EPC2: variants seen among roughly 807,000 people sequenced by gnomAD.
EPC2 encodes the protein enhancer of polycomb 2, also known as enhancer of polycomb homolog 2.
Under a neutral mutation model 92.1 loss-of-function variants are expected in EPC2, and 14 were observed. That is an observed-to-expected ratio of 0.15 (90% CI 0.10 to 0.24). EPC2 has a LOEUF of 0.24. Ranked by LOEUF, EPC2 falls within the 10% of genes least tolerant of loss-of-function variation. EPC2 has a pLI of 1.00. For missense variants in EPC2, 755 were observed against 971.5 expected, an observed-to-expected ratio of 0.78 and a Z score of 2.96; for synonymous variants, 340 against 334.7, an observed-to-expected ratio of 1.02 and a Z score of -0.17.
chr2:148,647,103 C>G (rs1160215433), intron 1 of EPC2, among the ~76,000 whole-genome samples: 1 of 152,046 alleles, frequency 6.6e-6, no homozygotes. Flanking sequence ...GAGCGAGACT[C>G]CGTCCCCCCC....
intron 2 of EPC2, among the ~76,000 whole-genome samples, chr2:148,726,764 TGTTTTTTTTTTTTTTGC>T (rs1346740453): frequency 7.1e-5 from 9 of 126,092 alleles, no homozygotes; most frequent in Non-Finnish European, 1.7e-4. Flanking sequence ...TTTTGTTTTT[TGTTTTTTTTTTTTTTGC>T]GTTTTTTTGT....
intron 10 of EPC2, 63 bp from the exon 11 acceptor site, chr2:148,781,581 C>A: frequency 6.9e-7 from 1 of 1,453,910 alleles, no homozygotes; most frequent in Non-Finnish European, 9.4e-7. Flanking sequence ...ATATCATATT[C>A]TGCTTGTGTT....
intron 12 of EPC2, among the ~76,000 whole-genome samples, 190 bp from the exon 13 acceptor site, chr2:148,784,478 G>A (rs1215530829): frequency 6.6e-6 from 1 of 152,222 alleles, no homozygotes; most frequent in East Asian, 1.9e-4. Context: ...GAAAGAGGGT[G>A]TTTTGGGGGT....
chr2:148,714,557 C>A (rs1157472447), intron 2 of EPC2, among the ~76,000 whole-genome samples: 1 of 152,216 alleles, frequency 6.6e-6, no homozygotes, highest in Non-Finnish European at 1.5e-5. Context: ...TTTTCCTCCA[C>A]AACCTTGCCA....
intron 10 of EPC2, among the ~76,000 whole-genome samples, chr2:148,778,838 GGATA>G (rs1683697769): frequency 1.3e-5 from 2 of 151,926 alleles, no homozygotes; most frequent in Non-Finnish European, 2.9e-5. Flanking sequence ...TGTCAAGAAT[GGATA>G]TAACATATTG....
intron 2 of EPC2, among the ~76,000 whole-genome samples, chr2:148,706,608 T>G (rs977928004): frequency 6.6e-5 from 10 of 152,108 alleles, no homozygotes; most frequent in Admixed American, 3.3e-4. Flanking sequence ...AAAGGTCGGG[T>G]TACTCACAAA....
chr2:148,645,972 C>T (rs1559136490), intron 1 of EPC2, among the ~76,000 whole-genome samples: 1 of 152,244 alleles, frequency 6.6e-6, no homozygotes, highest in Non-Finnish European at 1.5e-5. Flanking sequence ...TCTAAATTGG[C>T]AGTTGTAATT....
rs2105423216 is a variant in EPC2 at position 148,761,794 on chromosome 2, G to A, written c.679G>A (p.Asp227Asn). 6.6e-7 allele frequency: 1 copy of A among 1,523,488 alleles called. No individual in the cohort carries two copies. The highest frequency in any genetic ancestry group is 8.8e-7 in the Non-Finnish European group (1 of 1,138,084). 94.4% of individuals were successfully genotyped at this position (1,523,488 alleles called of 1,614,324 possible). The change falls in exon 5 of 14, where the codon GAT (aspartate) becomes AAT (asparagine). Residue 227 changes from aspartate (D) to asparagine (N), a missense_variant. This residue lies in a region of EPC2 where 509 missense variants were observed against 607.7 expected (regional missense o/e 0.84). Coordinates refer to ENST00000258484, the MANE Select transcript of EPC2 (RefSeq NM_015630.4). ...TTATTTTTAATAGAATCGTAAGAAT[G>A]ATGAAGCCTCTTATGAAAAGATGTT... ...KMQTRKNRKNDEASYEKMLKL... is the reference protein window; with the variant it reads ...KMQTRKNRKNNEASYEKMLKL...
intron 2 of EPC2, among the ~76,000 whole-genome samples, chr2:148,731,533 G>T (rs563767304): frequency 2.0e-5 from 3 of 152,102 alleles, no homozygotes; most frequent in African/African-American, 7.2e-5. Context: ...TTCCCGAATA[G>T]CTGGGATTAC....
At chr2:148,697,240 A>G (rs17725793) in intron 2 of EPC2, among the ~76,000 whole-genome samples, 5,316 of 152,078 alleles carry the variant, frequency 0.035, 140 homozygotes, top group Middle Eastern at 0.083. Flanking sequence ...CAAGTTGCAA[A>G]TATTTCTACA....
At chr2:148,662,737 C>T (rs1680964107) in intron 1 of EPC2, among the ~76,000 whole-genome samples, 1 of 152,036 alleles carries the variant, frequency 6.6e-6, no homozygotes, top group Non-Finnish European at 1.5e-5. Flanking sequence ...TTAATGGGTG[C>T]AGCACACCAA....
chr2:148,704,569 G>T (rs1244176133), intron 2 of EPC2, among the ~76,000 whole-genome samples: 1 of 152,158 alleles, frequency 6.6e-6, no homozygotes, highest in Non-Finnish European at 1.5e-5. Flanking sequence ...TGCATTGTAG[G>T]TATATACTCA....
chr2:148,686,192 G>A (rs1681519945), intron 1 of EPC2, among the ~76,000 whole-genome samples: 1 of 152,112 alleles, frequency 6.6e-6, no homozygotes, highest in Non-Finnish European at 1.5e-5. Context: ...ATCCTTTGTT[G>A]TCAGTTCAGC....
intron 1 of EPC2, among the ~76,000 whole-genome samples, chr2:148,683,833 C>T (rs149038625): frequency 5.9e-5 from 9 of 152,140 alleles, no homozygotes; most frequent in South Asian, 2.1e-4. Flanking sequence ...GCTGTAAATG[C>T]GTGCAAGTGT....
intron 13 of EPC2, among the ~76,000 whole-genome samples, chr2:148,785,930 A>G (rs1683857729): frequency 6.6e-6 from 1 of 152,176 alleles, no homozygotes; most frequent in Non-Finnish European, 1.5e-5. Flanking sequence ...TAATTTCAGT[A>G]ATATTGTGCT....
At chr2:148,647,774 AG>A (rs1203089465) in intron 1 of EPC2, among the ~76,000 whole-genome samples, 3 of 151,920 alleles carry the variant, frequency 2.0e-5, no homozygotes, top group Non-Finnish European at 4.4e-5. Flanking sequence ...TTGGGACTAC[AG>A]GCACGTGCCA....
At chr2:148,783,088 T>C (rs886441523) in intron 11 of EPC2, among the ~76,000 whole-genome samples, 2 of 152,218 alleles carry the variant, frequency 1.3e-5, no homozygotes, top group Non-Finnish European at 2.9e-5. Flanking sequence ...GGACTAGGGC[T>C]GTAGGACTTA....
At chr2:148,762,906 T>TATAA in intron 6 of EPC2, 104 bp downstream of exon 6, 1 of 1,273,216 alleles carries the variant, frequency 7.9e-7, no homozygotes. Context: ...GAAAAAGTAA[T>TATAA]TAACGTGACT....
chr2:148,674,871 G>A (rs145334813), intron 1 of EPC2, among the ~76,000 whole-genome samples: 107 of 152,266 alleles, frequency 7.0e-4, no homozygotes, highest in African/African-American at 2.4e-3. Context: ...GTTTGTGTGG[G>A]AATGAGGTAT....
Sources: allele counts gnomAD v4.1 joint callset (sites outside exome capture counted in the v4.1 genomes callset), GRCh38; gene constraint gnomAD v4.1.1; regional missense constraint gnomAD v4.1.1; transcripts MANE v1.5; gene names NCBI Gene and HGNC (gene_info 2026-07-23, HGNC 2026-07-21).